The following PLPP1 variants were observed in gnomAD, a reference collection of about 807,000 sequenced individuals.
PLPP1 encodes lipid phosphate phosphohydrolase 1a.
PLPP1 carries 24 observed loss-of-function variants against 31.2 expected under a neutral mutation model. The observed-to-expected ratio is 0.77, with a 90% confidence interval of 0.56 to 1.08. PLPP1 has a LOEUF of 1.08. PLPP1 is among the 50% of genes least tolerant of loss of function. PLPP1 has a pLI of 0.00. For missense variants in PLPP1, 319 were observed against 342.7 expected (o/e 0.93, Z 0.55); for synonymous variants, 146 against 126.3 (o/e 1.16, Z -1.05).
chr5:55,478,839 A>G (rs1344388439), intron 1 of PLPP1, among the ~76,000 whole-genome samples: 1 of 152,146 alleles, frequency 6.6e-6, no homozygotes, highest in Non-Finnish European at 1.5e-5. Flanking sequence ...AAGAAGGGGT[A>G]ATATCCTGAC....
At chr5:55,528,547 G>A (rs976878225) in intron 1 of PLPP1, among the ~76,000 whole-genome samples, 8 of 152,206 alleles carry the variant, frequency 5.3e-5, no homozygotes, top group South Asian at 2.1e-4. Context: ...TGGACTCAGT[G>A]TCCATTAATC....
In PLPP1 at chr5:55,452,759, T is replaced by C. The variant is rs1207086708; in HGVS notation, c.492-10851A>G. Among the ~76,000 whole-genome samples the C allele has an allele frequency of 2.0e-5, 3 of 152,256 alleles. No homozygotes were observed. In the East Asian group the frequency reaches 5.8e-4, roughly 29 times the overall value. ...ATATCAATCATAGCCCAACCTGTTA[T>C]GTTAAAATCATCTGTTACTGAACCT... On this transcript the variant is annotated intron_variant, in intron 3 of 5. Transcript: ENST00000307259.
chr5:55,481,571 G>C (rs912187254), intron 1 of PLPP1, among the ~76,000 whole-genome samples: 1 of 152,110 alleles, frequency 6.6e-6, no homozygotes, highest in Admixed American at 6.6e-5. Flanking sequence ...GTGAGATCAA[G>C]TACTACCTCA....
chr5:55,507,719 G>A (rs149032414), intron 1 of PLPP1, among the ~76,000 whole-genome samples: 7 of 152,228 alleles, frequency 4.6e-5, no homozygotes, highest in Non-Finnish European at 7.4e-5. Flanking sequence ...CAATGAGACC[G>A]AGAGCCCTCT....
intron 1 of PLPP1, among the ~76,000 whole-genome samples, chr5:55,513,278 A>G (rs12658194): frequency 0.74 from 89,188 of 119,760 alleles, 31,849 homozygotes; most frequent in Middle Eastern, 0.85. Context: ...CTTTTTTTTT[A>G]AGACAGAGTC....
chr5:55,512,659 G>C (rs779824138), intron 1 of PLPP1, among the ~76,000 whole-genome samples: 1 of 152,004 alleles, frequency 6.6e-6, no homozygotes, highest in Non-Finnish European at 1.5e-5. Flanking sequence ...AGTAGATTGT[G>C]CCAAACCTAT....
rs755669690 is a variant in PLPP1 at position 55,534,786 on chromosome 5, G to A, written c.-157C>T. 4 of 740,004 alleles carry A rather than the reference G, an allele frequency of 5.4e-6. No homozygotes were observed. The highest frequency in any genetic ancestry group is 3.4e-5 in the East Asian group (1 of 29,848). The allele number at this position is 740,004 out of a possible 1,614,324, so 45.8% of individuals were successfully genotyped here. A position where few individuals can be genotyped will look rare whatever the true frequency, so the allele number is the denominator to read the frequency against. Reference sequence around the variant, plus strand: ...GAGCAGCCGAGGGCGGGCTGAGACCGGGCGGCGCTCCCACCGCCAGCAATG... The same window carrying A: ...GAGCAGCCGAGGGCGGGCTGAGACCAGGCGGCGCTCCCACCGCCAGCAATG... On this transcript the variant is annotated 5_prime_UTR_variant, in exon 1 of 6. Transcript: ENST00000307259.
rs375462389 is a variant in PLPP1, at chr5:55,437,331, ATGT to A, written c.549+4517_549+4519del. 4.3e-3 allele frequency among the ~76,000 whole-genome samples: 650 copies of A among 152,226 alleles called. 5 individuals carry two copies. The highest frequency in any genetic ancestry group is 0.015 in the African/African-American group (621 of 41,550). On this transcript the variant is annotated intron_variant, in intron 4 of 5. Transcript: ENST00000307259. Reference sequence around the variant, plus strand: ...CTTGTTAACACTTCTTAACTGTAAAATGTTGTTATTGTCTCATAGCCTCTGAAT... The same window carrying A: ...CTTGTTAACACTTCTTAACTGTAAAATGTTATTGTCTCATAGCCTCTGAAT...
intron 1 of PLPP1, among the ~76,000 whole-genome samples, chr5:55,500,796 A>G (rs1004404631): frequency 6.6e-6 from 1 of 152,200 alleles, no homozygotes; most frequent in Non-Finnish European, 1.5e-5. Context: ...GAAACAAAGA[A>G]ATAACGGGGG....
At chr5:55,461,725 G>A (rs1394482511) in intron 3 of PLPP1, among the ~76,000 whole-genome samples, 1 of 152,004 alleles carries the variant, frequency 6.6e-6, no homozygotes, top group Non-Finnish European at 1.5e-5. Context: ...CTTAGCCAGT[G>A]TAGTAAGGAA....
chr5:55,513,698 G>A (rs1753492372), intron 1 of PLPP1, among the ~76,000 whole-genome samples: 1 of 152,186 alleles, frequency 6.6e-6, no homozygotes, highest in African/African-American at 2.4e-5. Flanking sequence ...CTAGCACTTT[G>A]GGAGGCAGAG....
rs772044516 is a variant in PLPP1, at chr5:55,475,353, G to A, written c.156C>T (p.Asp52=). 8.1e-6 allele frequency: 13 copies of A among 1,612,396 alleles called. No individual in the cohort carries two copies. Among genetic ancestry groups the A allele is most frequent in the Admixed American group, 1.7e-5 (1 of 59,930 alleles). The part of the protein sequence containing the change: ...DESIKYPYKE[D]TIPYALLGGI... ...CACCTAATAACGCATAAGGTATGGT[G>A]TCTTCTTTGTAAGGGTACTTGATGG... The change falls in exon 2 of 6, where the codon GAC becomes GAT. Residue 52 remains aspartate, a synonymous_variant. Coordinates refer to ENST00000307259, the MANE Select transcript of PLPP1 (RefSeq NM_003711.4).
chr5:55,469,744 AG>A (rs1210448578), intron 2 of PLPP1, among the ~76,000 whole-genome samples: 1 of 152,194 alleles, frequency 6.6e-6, no homozygotes, highest in Non-Finnish European at 1.5e-5. Flanking sequence ...GCTTCCCGAA[AG>A]GGATTTCAAG....
chr5:55,466,174 T>C (rs898124410), intron 3 of PLPP1, among the ~76,000 whole-genome samples: 10 of 152,194 alleles, frequency 6.6e-5, no homozygotes, highest in African/African-American at 2.4e-4. Flanking sequence ...TCAGTCCTCC[T>C]CACCACCTCA....
Position 55,426,049 on chromosome 5 carries a change from AAGAAT to A in PLPP1, c.550-15_550-11del, listed in dbSNP as rs770929513. 1 of 1,568,540 alleles carries A rather than the reference AAGAAT, an allele frequency of 6.4e-7. No homozygotes were observed. The highest frequency in any genetic ancestry group is 1.4e-5 in the African/African-American group (1 of 72,344). The stretch of plus-strand genomic sequence containing the variant: ...TGGCTTGAAGATAAAGCTAAAAGAA[AAGAAT>A]AAAGAAAAAAATAGTTTATTTAACA... On this transcript the variant is annotated splice_polypyrimidine_tract_variant and intron_variant, in intron 4 of 5. Transcript: ENST00000307259.
At chr5:55,430,681 A>T (rs1751327488) in intron 4 of PLPP1, among the ~76,000 whole-genome samples, 1 of 152,252 alleles carries the variant, frequency 6.6e-6, no homozygotes, top group Non-Finnish European at 1.5e-5. Flanking sequence ...AGAAACATGA[A>T]GAAGGAAATA....
At chr5:55,454,298 C>T (rs976165763) in intron 3 of PLPP1, among the ~76,000 whole-genome samples, 3 of 152,044 alleles carry the variant, frequency 2.0e-5, no homozygotes, top group East Asian at 1.9e-4. Flanking sequence ...ATTATATAAA[C>T]GAACAGTACT....
intron 4 of PLPP1, among the ~76,000 whole-genome samples, chr5:55,435,161 C>G (rs1366458414): frequency 2.0e-5 from 3 of 152,082 alleles, no homozygotes; most frequent in African/African-American, 7.2e-5. Flanking sequence ...ATATCACTAA[C>G]CAGGAAAATG....
chr5:55,487,508 G>A (rs4865949), intron 1 of PLPP1, among the ~76,000 whole-genome samples: 8,729 of 151,106 alleles, frequency 0.058, 448 homozygotes, highest in Admixed American at 0.11. Flanking sequence ...TTTTTGGATA[G>A]CTAAAGAAGA....
Sources: allele counts gnomAD v4.1 joint callset (sites outside exome capture counted in the v4.1 genomes callset), GRCh38; gene constraint gnomAD v4.1.1; transcripts MANE v1.5; gene names NCBI Gene and HGNC (gene_info 2026-07-23, HGNC 2026-07-21).